The following LSAMP variants were observed in gnomAD, a reference collection of about 807,000 sequenced individuals.
LSAMP encodes limbic system associated membrane protein, also known as limbic system-associated membrane protein.
In LSAMP, 7 loss-of-function variants were observed where a neutral mutation model predicts 38.6. That is an observed-to-expected ratio of 0.18 (90% confidence interval 0.10 to 0.34). The LOEUF is 0.34. LSAMP is among the 10% of genes least tolerant of loss of function. LSAMP has a pLI of 1.00. For synonymous variants in LSAMP, 154 were observed against 166.8 expected, an observed-to-expected ratio of 0.92 and a Z score of 0.59; for missense variants, 313 against 420.0, an observed-to-expected ratio of 0.75 and a Z score of 2.23.
In LSAMP at chr3:116,200,623, G is replaced by A. The variant is rs76986169; in HGVS notation, c.156-114067C>T. 7.0e-3 allele frequency among the ~76,000 whole-genome samples: 1,068 copies of A among 152,276 alleles called. 12 individuals carry two copies. The highest frequency in any genetic ancestry group is 0.065 in the East Asian group (336 of 5,168). ...CTTTGTCATAAAATCACCCAGTTCC[G>A]TTTAAAACCCTGCCAGCGAGCTTGG... On this transcript the variant is annotated intron_variant, in intron 1 of 6. Coordinates refer to ENST00000490035, the MANE Select transcript of LSAMP (RefSeq NM_002338.5).
At chr3:116,377,310 A>T (rs916335990) in intron 1 of LSAMP, among the ~76,000 whole-genome samples, 1 of 151,942 alleles carries the variant, frequency 6.6e-6, no homozygotes, top group Non-Finnish European at 1.5e-5. Context: ...GCTCCCACTT[A>T]TAAGTGAGAA....
intron 3 of LSAMP, among the ~76,000 whole-genome samples, chr3:115,983,227 A>G (rs1405052016): frequency 6.6e-6 from 1 of 152,152 alleles, no homozygotes; most frequent in Non-Finnish European, 1.5e-5. Context: ...TCTATAAATA[A>G]ATTAATGGCC....
At chr3:116,251,649 C>T (rs1443658692) in intron 1 of LSAMP, among the ~76,000 whole-genome samples, 1 of 152,156 alleles carries the variant, frequency 6.6e-6, no homozygotes, top group Non-Finnish European at 1.5e-5. Flanking sequence ...GATAACTGAC[C>T]CATTCCTCAG....
intron 1 of LSAMP, among the ~76,000 whole-genome samples, chr3:116,234,768 T>C (rs1443442885): frequency 6.6e-6 from 1 of 152,186 alleles, no homozygotes; most frequent in African/African-American, 2.4e-5. Context: ...TTGATGTTGC[T>C]AATTGAAACA....
At chr3:116,031,081 G>A (rs1323791251) in intron 2 of LSAMP, among the ~76,000 whole-genome samples, 1 of 152,050 alleles carries the variant, frequency 6.6e-6, no homozygotes, top group Non-Finnish European at 1.5e-5. Context: ...GAATTATTTA[G>A]CTATTAAGAT....
intron 1 of LSAMP, among the ~76,000 whole-genome samples, chr3:116,138,771 G>A (rs1338720056): frequency 1.3e-5 from 2 of 150,208 alleles, no homozygotes; most frequent in Admixed American, 1.3e-4. Context: ...CCAAAGAAAT[G>A]TGCTACAGAG....
chr3:116,295,988 C>T (rs900789531), intron 1 of LSAMP, among the ~76,000 whole-genome samples: 1 of 152,130 alleles, frequency 6.6e-6, no homozygotes, highest in African/African-American at 2.4e-5. Context: ...AACACTCATT[C>T]CCGCTAAGTT....
chr3:116,142,875 C>T lies in LSAMP; in HGVS notation c.156-56319G>A, dbSNP rs189910484. Among the ~76,000 whole-genome samples, 468 of 151,948 alleles carry T rather than the reference C, an allele frequency of 3.1e-3. 3 individuals carry two copies. Among genetic ancestry groups the T allele is most frequent in the African/African-American group, 9.9e-3 (409 of 41,512 alleles). On this transcript the variant is annotated intron_variant, in intron 1 of 6. Transcript: ENST00000490035. ...AGGCTGCTACATTACGATGGCTGAACCACAACTTTTCACAAAGTTTGTGTC... is the reference window on the plus strand; with the variant it reads ...AGGCTGCTACATTACGATGGCTGAATCACAACTTTTCACAAAGTTTGTGTC...
At chr3:116,081,644 G>A (rs1707875219) in intron 2 of LSAMP, among the ~76,000 whole-genome samples, 1 of 151,892 alleles carries the variant, frequency 6.6e-6, no homozygotes, top group East Asian at 1.9e-4. Flanking sequence ...GTCTTATAAG[G>A]AGTCCCACTC....
chr3:116,058,553 CA>C (rs1941533666), intron 2 of LSAMP, among the ~76,000 whole-genome samples: 1 of 151,922 alleles, frequency 6.6e-6, no homozygotes, highest in African/African-American at 2.4e-5. Flanking sequence ...AGTTAATCCC[CA>C]AGTCAAAGTT....
In LSAMP at chr3:116,270,182, T is replaced by TAA. The variant is rs568745351; in HGVS notation, c.155+174693_155+174694dup. 1.8e-3 allele frequency among the ~76,000 whole-genome samples: 277 copies of TAA among 152,256 alleles called. 2 individuals carry two copies. The highest frequency in any genetic ancestry group is 6.3e-3 in the African/African-American group (262 of 41,556). On this transcript the variant is annotated intron_variant, in intron 1 of 6. Coordinates refer to ENST00000490035, the MANE Select transcript of LSAMP (RefSeq NM_002338.5). ...GATTTTTATATGAAACATGTCCTAA[T>TAA]AAGTATGTCATTGGTCAATTAGTCA...
chr3:116,356,913 C>G (rs1002013737), intron 1 of LSAMP, among the ~76,000 whole-genome samples: 1 of 152,158 alleles, frequency 6.6e-6, no homozygotes, highest in Non-Finnish European at 1.5e-5. Flanking sequence ...CCTGCCTCAG[C>G]CTCCCGAGTA....
intron 1 of LSAMP, among the ~76,000 whole-genome samples, chr3:116,345,389 G>T (rs1029644022): frequency 7.2e-5 from 11 of 152,108 alleles, no homozygotes; most frequent in Non-Finnish European, 1.6e-4. Context: ...CAGAGCAGGG[G>T]TCATCTGGAG....
intron 1 of LSAMP, among the ~76,000 whole-genome samples, chr3:116,201,527 C>A (rs1447175987): frequency 6.6e-6 from 1 of 152,176 alleles, no homozygotes. Context: ...CTGTGCCATT[C>A]TCTCTCAGAG....
intron 1 of LSAMP, among the ~76,000 whole-genome samples, chr3:116,244,180 C>T (rs139832821): frequency 1.5e-3 from 221 of 152,284 alleles, no homozygotes; most frequent in African/African-American, 5.1e-3. Flanking sequence ...TTCCTTCTCC[C>T]TTGAGTCCTA....
At chr3:116,199,926 T>C (rs1205134468) in intron 1 of LSAMP, among the ~76,000 whole-genome samples, 1 of 152,124 alleles carries the variant, frequency 6.6e-6, no homozygotes, top group Non-Finnish European at 1.5e-5. Flanking sequence ...GATCTTATAT[T>C]TTAGGAAGAC....
chr3:115,834,718 A>C, intron 6 of LSAMP: 1 of 340,024 alleles, frequency 2.9e-6, no homozygotes, highest in Non-Finnish European at 4.7e-6. Context: ...ACAGGATCAT[A>C]TCTCTCATAA....
chr3:116,133,238 T>A (rs1709173516), intron 1 of LSAMP, among the ~76,000 whole-genome samples: 1 of 152,036 alleles, frequency 6.6e-6, no homozygotes, highest in African/African-American at 2.4e-5. Context: ...CTTTCCACAT[T>A]TACTTTTTTT....
chr3:115,980,772 C>T (rs1939334824), intron 3 of LSAMP, among the ~76,000 whole-genome samples: 1 of 152,192 alleles, frequency 6.6e-6, no homozygotes, highest in Non-Finnish European at 1.5e-5. Flanking sequence ...CTGTGTTCCC[C>T]TTTTATCTCC....
Sources: allele counts gnomAD v4.1 joint callset (sites outside exome capture counted in the v4.1 genomes callset), GRCh38; gene constraint gnomAD v4.1.1; transcripts MANE v1.5; gene names NCBI Gene and HGNC (gene_info 2026-07-23, HGNC 2026-07-21).